Variants in NCK1 observed in about 807,000 individuals in gnomAD.
NCK1 encodes NCK adaptor protein 1.
In NCK1, 19 loss-of-function variants were observed where a neutral mutation model predicts 36.6. The observed-to-expected ratio is 0.52, with a 90% CI of 0.36 to 0.76. The LOEUF (loss-of-function observed/expected upper bound fraction) is 0.76. Among genes scored for constraint, NCK1 ranks in the 30% least tolerant of loss-of-function variants. NCK1 has a pLI of 0.00. For missense variants in NCK1, 358 were observed against 445.6 expected, an observed-to-expected ratio of 0.80 and a Z score of 1.77; for synonymous variants, 165 against 156.0, an observed-to-expected ratio of 1.06 and a Z score of -0.43.
chr3:136,882,547 C>CTGTGTGTG lies in NCK1; in HGVS notation c.-19+20230_-19+20237dup, dbSNP rs35463509. Among the ~76,000 whole-genome samples, 742 of 143,478 alleles carry CTGTGTGTG rather than the reference C, an allele frequency of 5.2e-3. 5 individuals are homozygous for CTGTGTGTG. The highest frequency in any genetic ancestry group is 0.014 in the South Asian group (59 of 4,338). The allele number at this position is 143,478 out of a possible 152,430, so 94.1% of individuals were successfully genotyped here. ...AAGTTTACATTACTTTCCCACATCACTGTGTGTGTGTGTGTGTGTGTGTGT... is the reference window on the plus strand; with the variant it reads ...AAGTTTACATTACTTTCCCACATCACTGTGTGTGTGTGTGTGTGTGTGTGTGTGTGTGT... On this transcript the variant is annotated intron_variant, in intron 1 of 3. Coordinates refer to ENST00000481752, the MANE Select transcript of NCK1 (RefSeq NM_001291999.2).
chr3:136,862,855 C>CT (rs985693426), intron 1 of NCK1, among the ~76,000 whole-genome samples: 4 of 147,878 alleles, frequency 2.7e-5, no homozygotes, highest in African/African-American at 9.9e-5. Flanking sequence ...GACGCGCCCT[C>CT]TCCCCTCCCC....
intron 1 of NCK1, among the ~76,000 whole-genome samples, chr3:136,872,608 T>C (rs1326902193): frequency 6.6e-6 from 1 of 152,160 alleles, no homozygotes; most frequent in Non-Finnish European, 1.5e-5. Context: ...ATGGGGAAAA[T>C]GTCTGCAGGG....
At position 136,948,678 on chromosome 3, in the gene NCK1, T is replaced by G. The variant is rs1940892955; in HGVS notation, c.*225T>G. 3.1e-6 allele frequency: 1 copy of G among 318,782 alleles called. No homozygotes were observed. The highest frequency in any genetic ancestry group is 5.7e-6 in the Non-Finnish European group (1 of 175,582). The allele number at this position is 318,782 out of a possible 1,614,324, so 19.7% of individuals were successfully genotyped here. On this transcript the variant is annotated 3_prime_UTR_variant, in exon 4 of 4. Transcript: ENST00000481752. ...ATCCTTGGCCTTCTGTTTTATTGTTTTTTTCTTTGCTGTTTTCCCTTTGCT... is the reference window on the plus strand; with the variant it reads ...ATCCTTGGCCTTCTGTTTTATTGTTGTTTTCTTTGCTGTTTTCCCTTTGCT...
chr3:136,915,006 C>G (rs1300168176), intron 1 of NCK1, among the ~76,000 whole-genome samples: 1 of 152,194 alleles, frequency 6.6e-6, no homozygotes, highest in African/African-American at 2.4e-5. Flanking sequence ...ATGCTGGCTT[C>G]TCTTTGCCAT....
At chr3:136,917,369 C>T (rs1386941932) in intron 1 of NCK1, among the ~76,000 whole-genome samples, 1 of 152,126 alleles carries the variant, frequency 6.6e-6, no homozygotes, top group African/African-American at 2.4e-5. Flanking sequence ...AGATCTTTCT[C>T]AGGCCTGGCC....
intron 1 of NCK1, among the ~76,000 whole-genome samples, chr3:136,922,397 C>G (rs1306272772): frequency 6.6e-6 from 1 of 152,138 alleles, no homozygotes; most frequent in African/African-American, 2.4e-5. Flanking sequence ...GGTAACTGCT[C>G]TAAATGGGGG....
At chr3:136,871,664 A>G (rs982431842) in intron 1 of NCK1, among the ~76,000 whole-genome samples, 11 of 152,154 alleles carry the variant, frequency 7.2e-5, no homozygotes, top group Admixed American at 3.9e-4. Context: ...TATAAATGTA[A>G]CTGATATGGT....
chr3:136,887,956 T>TC (rs1576953466), intron 1 of NCK1, among the ~76,000 whole-genome samples: 1 of 150,176 alleles, frequency 6.7e-6, no homozygotes, highest in Non-Finnish European at 1.5e-5. Flanking sequence ...TTTTTTTTTT[T>TC]CTTTTGAGAT....
At chr3:136,920,730 C>T (rs540013499) in intron 1 of NCK1, among the ~76,000 whole-genome samples, 56 of 152,150 alleles carry the variant, frequency 3.7e-4, no homozygotes, top group African/African-American at 1.2e-3. Flanking sequence ...AATAATCTTG[C>T]TAAATTATGA....
rs374161071 is a variant in NCK1 at position 136,928,015 on chromosome 3, T to G, written c.14T>G (p.Val5Gly). The change falls in exon 2 of 4, where the codon GTG becomes GGG. Residue 5 changes from valine to glycine, a missense_variant. Coordinates refer to ENST00000481752, the MANE Select transcript of NCK1 (RefSeq NM_001291999.2). ...AGCTGCTGAAAGATGGCAGAAGAAG[T>G]GGTGGTAGTAGCCAAATTTGATTAT... MAEEVVVVAKFDYVA... is the reference protein window; with the variant it reads MAEEGVVVAKFDYVA... 1.2e-6 allele frequency: 2 copies of G among 1,613,234 alleles called. No individual in the cohort carries two copies. The highest frequency in any genetic ancestry group is 2.7e-5 in the African/African-American group (2 of 74,862).
At chr3:136,876,587 AC>A (rs1374766730) in intron 1 of NCK1, among the ~76,000 whole-genome samples, 4 of 151,752 alleles carry the variant, frequency 2.6e-5, no homozygotes, top group Non-Finnish European at 4.4e-5. Context: ...TTTTTTTTAA[AC>A]CAAAAAACTT....
intron 1 of NCK1, among the ~76,000 whole-genome samples, chr3:136,891,625 A>AGT (rs1296432949): frequency 1.3e-5 from 2 of 152,250 alleles, no homozygotes; most frequent in Non-Finnish European, 2.9e-5. Context: ...GGGTTTCCAC[A>AGT]GTGGCTGTAC....
rs991586223 is a variant in NCK1, at chr3:136,949,520, G to T, written c.*1067G>T. On this transcript the variant is annotated 3_prime_UTR_variant, in exon 4 of 4. Transcript: ENST00000481752. ...TATATTATTTTTAATTTTTTAATTT[G>T]TTTTTTAACCAAGTAGGAATTTGGG... 5 of 151,882 alleles carry T rather than the reference G, an allele frequency of 3.3e-5. No homozygotes were observed. The highest frequency in any genetic ancestry group is 1.3e-4 in the Admixed American group (2 of 15,244). The allele number at this position is 151,882 out of a possible 1,614,324, so 9.4% of individuals were successfully genotyped here.
At chr3:136,900,076 T>C in intron 1 of NCK1, 1 of 509,800 alleles carries the variant, frequency 2.0e-6, no homozygotes, top group South Asian at 2.0e-5. Context: ...GGCTGCACCA[T>C]GGTCCCTTTC....
intron 1 of NCK1, among the ~76,000 whole-genome samples, chr3:136,870,995 A>G (rs570937532): frequency 4.4e-4 from 67 of 152,268 alleles, no homozygotes; most frequent in African/African-American, 1.4e-3. Context: ...GTGTTTTGCT[A>G]TTGTAAATTC....
intron 2 of NCK1, among the ~76,000 whole-genome samples, chr3:136,938,921 T>C (rs1232805151): frequency 6.6e-6 from 1 of 152,238 alleles, no homozygotes; most frequent in Non-Finnish European, 1.5e-5. Flanking sequence ...GATTTTTGCA[T>C]CTATATTTCT....
chr3:136,906,961 G>C (rs911287864), intron 1 of NCK1, among the ~76,000 whole-genome samples: 12 of 152,168 alleles, frequency 7.9e-5, no homozygotes, highest in African/African-American at 1.9e-4. Flanking sequence ...CCACTGGTAC[G>C]TGCAGGTACT....
intron 1 of NCK1, among the ~76,000 whole-genome samples, chr3:136,905,449 A>G (rs895068231): frequency 1.8e-4 from 27 of 149,160 alleles, no homozygotes; most frequent in Non-Finnish European, 3.3e-4. Context: ...TGAGACAGAG[A>G]TGGGGTTCTG....
intron 1 of NCK1, among the ~76,000 whole-genome samples, chr3:136,887,672 A>G (rs1292579236): frequency 6.6e-6 from 1 of 152,216 alleles, no homozygotes; most frequent in African/African-American, 2.4e-5. Context: ...TTATGTTTCC[A>G]TAAAATTGGT....
Sources: allele counts gnomAD v4.1 joint callset (sites outside exome capture counted in the v4.1 genomes callset), GRCh38; gene constraint gnomAD v4.1.1; transcripts MANE v1.5; gene names NCBI Gene and HGNC (gene_info 2026-07-23, HGNC 2026-07-21).